The following TRAPPC9 variants were observed in gnomAD, a reference collection of about 807,000 sequenced individuals.
The protein encoded by TRAPPC9 is trafficking protein particle complex subunit 9, also known as IKK2 binding protein.
Under a neutral mutation model 124.0 loss-of-function variants are expected in TRAPPC9, and 83 were observed. The observed-to-expected ratio is 0.67, with a 90% CI of 0.56 to 0.80. TRAPPC9 has a LOEUF of 0.80. Ranked by LOEUF, TRAPPC9 falls within the 30% of genes least tolerant of loss-of-function variation. The probability of loss-of-function intolerance (pLI) is 0.00; values close to 1 mark genes in which losing one functional copy is unlikely to be tolerated. For missense variants in TRAPPC9, 1,302 were observed against 1,508.3 expected (o/e 0.86, Z 2.27); for synonymous variants, 638 against 617.5 (o/e 1.03, Z -0.49).
chr8:139,980,859 C>A (rs1161078733), intron 19 of TRAPPC9, among the ~76,000 whole-genome samples: 1 of 152,126 alleles, frequency 6.6e-6, no homozygotes, highest in Non-Finnish European at 1.5e-5. Context: ...AGGAAAGGCT[C>A]CAGACATTTC....
intron 19 of TRAPPC9, among the ~76,000 whole-genome samples, chr8:139,946,442 C>G (rs757322555): frequency 2.6e-5 from 4 of 152,206 alleles, no homozygotes; most frequent in Non-Finnish European, 5.9e-5. Flanking sequence ...TACACTGACC[C>G]TCTCTCCCTT....
At chr8:140,121,716 AG>A (rs1322242227) in intron 17 of TRAPPC9, among the ~76,000 whole-genome samples, 10 of 152,250 alleles carry the variant, frequency 6.6e-5, no homozygotes, top group Admixed American at 5.9e-4. Context: ...ATGAAAAATC[AG>A]TGGCTTCCAC....
intron 21 of TRAPPC9, among the ~76,000 whole-genome samples, chr8:139,883,371 A>G (rs1426928928): frequency 6.6e-6 from 1 of 152,254 alleles, no homozygotes; most frequent in Non-Finnish European, 1.5e-5. Flanking sequence ...TATAAGCAAC[A>G]GAAAATGAAC....
chr8:139,911,412 T>C (rs1401584865), intron 19 of TRAPPC9: 3 of 152,156 alleles, frequency 2.0e-5, no homozygotes, highest in Admixed American at 6.6e-5. Flanking sequence ...AGTCAATGGA[T>C]AAGAGTAGGC....
Position 140,196,010 on chromosome 8 carries a change from A to G in TRAPPC9, c.2556+25449T>C, listed in dbSNP as rs113991175. Among the ~76,000 whole-genome samples the G allele has an allele frequency of 7.8e-5, 11 of 141,028 alleles. 1 individual carries two copies. Among genetic ancestry groups the G allele is most frequent in the African/African-American group, 2.7e-4 (10 of 37,196 alleles). 92.5% of individuals were successfully genotyped at this position (141,028 alleles called of 152,430 possible). On this transcript the variant is annotated intron_variant, in intron 17 of 22. Coordinates refer to ENST00000438773, the MANE Select transcript of TRAPPC9 (RefSeq NM_001160372.4). ...CACCTGTGACACTAAAACACTCAGC[A>G]ATCCACTGTACAGCTCACACCTGTG...
chr8:140,343,432 T>A (rs539562776), intron 9 of TRAPPC9, among the ~76,000 whole-genome samples: 1 of 152,314 alleles, frequency 6.6e-6, no homozygotes, highest in African/African-American at 2.4e-5. Context: ...CCATGAGAAA[T>A]CTCACTGGGC....
At chr8:139,741,162 G>A (rs1818531859) in intron 21 of TRAPPC9, among the ~76,000 whole-genome samples, 1 of 152,070 alleles carries the variant, frequency 6.6e-6, no homozygotes, top group Non-Finnish European at 1.5e-5. Context: ...CATTGGGCAT[G>A]ATGCTCCCCC....
At chr8:139,972,183 C>G (rs1200911402) in intron 19 of TRAPPC9, among the ~76,000 whole-genome samples, 1 of 152,056 alleles carries the variant, frequency 6.6e-6, no homozygotes, top group East Asian at 1.9e-4. Context: ...CACCCCACAC[C>G]CATGCCCTCA....
intron 14 of TRAPPC9, among the ~76,000 whole-genome samples, chr8:140,281,320 G>T (rs1385540181): frequency 6.6e-6 from 1 of 152,210 alleles, no homozygotes; most frequent in East Asian, 1.9e-4. Flanking sequence ...CTGTGAGCGG[G>T]TGTGAACTGG....
rs529658882 is a variant in TRAPPC9 at position 140,376,737 on chromosome 8, G to A, written c.1135-5557C>T. 4.0e-5 allele frequency among the ~76,000 whole-genome samples: 6 copies of A among 151,676 alleles called. No individual in the cohort carries two copies. The East Asian group carries it at 7.8e-4, about 20-fold the overall frequency. ...CTAAAAATATAAAAATTAGCCGGGC[G>A]TGATGGTGGGTGCCTATAGTCCCAG... On this transcript the variant is annotated intron_variant, in intron 7 of 22. Coordinates refer to ENST00000438773, the MANE Select transcript of TRAPPC9 (RefSeq NM_001160372.4).
chr8:140,457,861 A>G (rs3735799), upstream of TRAPPC9: 508,980 of 1,067,084 alleles, frequency 0.48, 123,106 homozygotes, highest in Admixed American at 0.58. Context: ...GAGGGAGAAA[A>G]GAGGAAGGAG....
At chr8:139,781,727 C>T (rs752908154) in intron 21 of TRAPPC9, among the ~76,000 whole-genome samples, 1 of 151,796 alleles carries the variant, frequency 6.6e-6, no homozygotes, top group Non-Finnish European at 1.5e-5. Context: ...TGTGTGTGTG[C>T]CTGTGTGTGC....
At chr8:140,012,176 C>A (rs1185489169) in intron 18 of TRAPPC9, among the ~76,000 whole-genome samples, 1 of 152,124 alleles carries the variant, frequency 6.6e-6, no homozygotes, top group Non-Finnish European at 1.5e-5. Flanking sequence ...GGGGAAAAAA[C>A]GTATTATTTT....
At chr8:140,039,883 CT>C (rs1429317358) in intron 17 of TRAPPC9, 1 of 152,244 alleles carries the variant, frequency 6.6e-6, no homozygotes, top group Non-Finnish European at 1.5e-5. Flanking sequence ...GATCTCTTCA[CT>C]GAACAATTAC....
chr8:140,228,915 C>T (rs7841539), intron 16 of TRAPPC9, among the ~76,000 whole-genome samples: 88,796 of 152,058 alleles, frequency 0.58, 28,018 homozygotes, highest in Admixed American at 0.69. Context: ...AAATGAATAA[C>T]GATTAGACCA....
At chr8:140,051,235 G>A (rs1389910745) in intron 17 of TRAPPC9, among the ~76,000 whole-genome samples, 1 of 152,200 alleles carries the variant, frequency 6.6e-6, no homozygotes, top group East Asian at 1.9e-4. Context: ...GGGCCACAGG[G>A]CCAATGAGAC....
intron 17 of TRAPPC9, among the ~76,000 whole-genome samples, chr8:140,116,131 G>C (rs1389433347): frequency 6.6e-6 from 1 of 152,154 alleles, no homozygotes; most frequent in Non-Finnish European, 1.5e-5. Flanking sequence ...AGGGGTCAGG[G>C]GAGAGGCAGG....
In TRAPPC9 at chr8:139,741,191, C is replaced by T. The variant is rs115132345; in HGVS notation, c.3056-8989G>A. Among the ~76,000 whole-genome samples the T allele has an allele frequency of 6.9e-3, 1,053 of 152,224 alleles. 11 individuals carry two copies. Among genetic ancestry groups the T allele is most frequent in the African/African-American group, 0.024 (987 of 41,520 alleles). On this transcript the variant is annotated intron_variant, in intron 21 of 22. Transcript: ENST00000438773. ...CTCCCCCTGGGTGTGAAGCTCCCCC[C>T]GGGCGTGATGCCCCCTCCCCTGGGC...
intron 7 of TRAPPC9, among the ~76,000 whole-genome samples, chr8:140,380,749 CA>C (rs2068581925): frequency 6.7e-6 from 1 of 150,338 alleles, no homozygotes. Context: ...GACCTAAATG[CA>C]AAAACTAACC....
Sources: allele counts gnomAD v4.1 joint callset (sites outside exome capture counted in the v4.1 genomes callset), GRCh38; gene constraint gnomAD v4.1.1; transcripts MANE v1.5; gene names NCBI Gene and HGNC (gene_info 2026-07-23, HGNC 2026-07-21).